The following VWC2 variants were observed in gnomAD, a reference collection of about 807,000 sequenced individuals.
VWC2 encodes brorin.
VWC2 carries 14 observed loss-of-function variants against 29.8 expected under a neutral mutation model. The observed-to-expected ratio is 0.47, with a 90% confidence interval of 0.31 to 0.74. The LOEUF is 0.74. Ranked by LOEUF, VWC2 falls within the 30% of genes least tolerant of loss-of-function variation. The pLI is 0.05. For synonymous variants in VWC2, 213 were observed against 199.0 expected (o/e 1.07, Z -0.59); for missense variants, 457 against 459.8 (o/e 0.99, Z 0.05).
intron 3 of VWC2, among the ~76,000 whole-genome samples, chr7:49,906,267 A>G (rs1342940641): frequency 1.3e-5 from 2 of 152,146 alleles, no homozygotes; most frequent in Non-Finnish European, 2.9e-5. Flanking sequence ...TAGTTAAAAT[A>G]ATAATAAGGA....
At chr7:49,884,549 A>G (rs149025337) in intron 3 of VWC2, among the ~76,000 whole-genome samples, 15 of 152,202 alleles carry the variant, frequency 9.9e-5, no homozygotes, top group Non-Finnish European at 2.2e-4. Context: ...TCAGGAAGGA[A>G]CTCAGTTCTA....
chr7:49,920,962 GAAT>G lies in VWC2; in HGVS notation c.*8781_*8783del, dbSNP rs1793992496. ...ATTTCTGACAGTTTCTATAGACTGA[GAAT>G]AATGATATGCTTTTATAAATTATTT... On this transcript the variant is annotated 3_prime_UTR_variant, in exon 4 of 4. Transcript: ENST00000340652. 6.6e-6 allele frequency: 1 copy of G among 152,162 alleles called. No individual in the cohort carries two copies. Among genetic ancestry groups the G allele is most frequent in the Non-Finnish European group, 1.5e-5 (1 of 68,036 alleles). 9.4% of individuals were successfully genotyped at this position (152,162 alleles called of 1,614,324 possible). A position where few individuals can be genotyped will look rare whatever the true frequency, so the allele number is the denominator to read the frequency against.
At chr7:49,839,829 C>G (rs991075477) in intron 3 of VWC2, among the ~76,000 whole-genome samples, 3 of 152,196 alleles carry the variant, frequency 2.0e-5, no homozygotes, top group African/African-American at 7.2e-5. Context: ...TGTTTCAAAT[C>G]GTGACGTCCC....
chr7:49,776,271 A>G, intron 2 of VWC2, 140 bp downstream of exon 2: 1 of 732,032 alleles, frequency 1.4e-6, no homozygotes, highest in Middle Eastern at 2.7e-4. Flanking sequence ...CGTCCCTTTG[A>G]CATGACCTCT....
At chr7:49,856,981 A>G (rs920839044) in intron 3 of VWC2, among the ~76,000 whole-genome samples, 1 of 125,348 alleles carries the variant, frequency 8.0e-6, no homozygotes, top group Non-Finnish European at 1.6e-5. Flanking sequence ...CTGCACTCCA[A>G]CCTGGGTGAC....
intron 3 of VWC2, among the ~76,000 whole-genome samples, chr7:49,901,666 G>C (rs1182466486): frequency 6.6e-6 from 1 of 151,818 alleles, no homozygotes; most frequent in East Asian, 1.9e-4. Context: ...ATCCCAGGAA[G>C]CAATTTTATA....
intron 3 of VWC2, among the ~76,000 whole-genome samples, chr7:49,905,309 C>T (rs1198099738): frequency 6.6e-6 from 1 of 152,304 alleles, no homozygotes; most frequent in East Asian, 1.9e-4. Context: ...ATTCATCACT[C>T]AGCCATCTCC....
chr7:49,793,517 T>C (rs1788512742), intron 2 of VWC2, among the ~76,000 whole-genome samples: 1 of 152,216 alleles, frequency 6.6e-6, no homozygotes, highest in Admixed American at 6.5e-5. Context: ...CACCTGTGTG[T>C]ACATGTGTTT....
intron 3 of VWC2, among the ~76,000 whole-genome samples, chr7:49,875,398 C>CAAA (rs1791372496): frequency 2.2e-5 from 1 of 46,238 alleles, no homozygotes; most frequent in African/African-American, 8.0e-5. Context: ...AAAAAAAAAA[C>CAAA]AGGAATAAAT....
At chr7:49,864,795 GCTGCTGAGCA>G (rs1335980311) in intron 3 of VWC2, among the ~76,000 whole-genome samples, 2 of 152,238 alleles carry the variant, frequency 1.3e-5, no homozygotes, top group African/African-American at 4.8e-5. Flanking sequence ...AATGGAGACT[GCTGCTGAGCA>G]GGGGAGGGTG....
At position 49,917,620 on chromosome 7, in the gene VWC2, T is replaced by C. The variant is rs1226950428; in HGVS notation, c.*5435T>C. On this transcript the variant is annotated 3_prime_UTR_variant, in exon 4 of 4. Coordinates refer to ENST00000340652, the MANE Select transcript of VWC2 (RefSeq NM_198570.5). ...AATACAGCCTGATGACTAAACACAATTGCAAATATTGCGACTTTAGTTTTT... is the reference window on the plus strand; with the variant it reads ...AATACAGCCTGATGACTAAACACAACTGCAAATATTGCGACTTTAGTTTTT... 2.6e-5 allele frequency: 4 copies of C among 152,164 alleles called. No homozygotes were observed. The highest frequency in any genetic ancestry group is 7.2e-5 in the African/African-American group (3 of 41,462). The allele number at this position is 152,164 out of a possible 1,614,324, so 9.4% of individuals were successfully genotyped here.
chr7:49,816,753 T>C (rs1789156146), intron 3 of VWC2, among the ~76,000 whole-genome samples: 1 of 152,216 alleles, frequency 6.6e-6, no homozygotes, highest in Non-Finnish European at 1.5e-5. Context: ...TTAGACTGAA[T>C]TCCTTGAAGA....
At position 49,917,222 on chromosome 7, in the gene VWC2, A is replaced by G. The variant is rs1793771286; in HGVS notation, c.*5037A>G. 1 of 152,164 alleles carries G rather than the reference A, an allele frequency of 6.6e-6. No individual in the cohort carries two copies. The highest frequency in any genetic ancestry group is 2.1e-4 in the South Asian group (1 of 4,826). The allele number at this position is 152,164 out of a possible 1,614,324, so 9.4% of individuals were successfully genotyped here. ...CCATAATCTGAATGATAACCATTTA[A>G]AAGTGATGGTTGTTGAAATTTTACT... On this transcript the variant is annotated 3_prime_UTR_variant, in exon 4 of 4. Coordinates refer to ENST00000340652, the MANE Select transcript of VWC2 (RefSeq NM_198570.5).
chr7:49,843,767 A>T (rs1447666520), intron 3 of VWC2, among the ~76,000 whole-genome samples: 1 of 152,230 alleles, frequency 6.6e-6, no homozygotes, highest in Non-Finnish European at 1.5e-5. Flanking sequence ...TGTTGCCCCC[A>T]GCGCTACAGG....
At chr7:49,808,745 G>T (rs1788931560) in intron 3 of VWC2, among the ~76,000 whole-genome samples, 1 of 152,012 alleles carries the variant, frequency 6.6e-6, no homozygotes, top group African/African-American at 2.4e-5. Context: ...GGAAATTGGA[G>T]ATTATTTGGA....
intron 3 of VWC2, among the ~76,000 whole-genome samples, chr7:49,858,533 C>CA (rs563777901): frequency 7.7e-4 from 101 of 131,890 alleles, no homozygotes; most frequent in African/African-American, 2.8e-3. Context: ...GGAAGGGGAA[C>CA]ATCACACACT....
chr7:49,798,005 T>C (rs1788636514), intron 2 of VWC2, among the ~76,000 whole-genome samples: 1 of 152,242 alleles, frequency 6.6e-6, no homozygotes, highest in Non-Finnish European at 1.5e-5. Flanking sequence ...GTTAAGTTTC[T>C]TCTGGGAAAA....
At chr7:49,878,497 G>C (rs1791536676) in intron 3 of VWC2, among the ~76,000 whole-genome samples, 1 of 151,958 alleles carries the variant, frequency 6.6e-6, no homozygotes, top group South Asian at 2.1e-4. Flanking sequence ...CCTCTGCTTT[G>C]ACTATTTTCT....
rs1209609466 is a variant in VWC2, at chr7:49,788,911, A to T, written c.696+12780A>T. Among the ~76,000 whole-genome samples the T allele has an allele frequency of 4.8e-5, 6 of 125,902 alleles. No individual in the cohort carries two copies. In the East Asian group the frequency reaches 9.9e-4, roughly 21 times the overall value. 82.6% of individuals were successfully genotyped at this position (125,902 alleles called of 152,430 possible). A position where few individuals can be genotyped will look rare whatever the true frequency, so the allele number is the denominator to read the frequency against. ...TGTGTGGAGTGAGTGTGGGTGTGAG[A>T]GTGTGTGTGGCCTGCATGTGTGAGA... On this transcript the variant is annotated intron_variant, in intron 2 of 3. Transcript: ENST00000340652.
Sources: allele counts gnomAD v4.1 joint callset (sites outside exome capture counted in the v4.1 genomes callset), GRCh38; gene constraint gnomAD v4.1.1; transcripts MANE v1.5; gene names NCBI Gene and HGNC (gene_info 2026-07-23, HGNC 2026-07-21).